The following RNF130 variants were observed in gnomAD, a reference collection of about 807,000 sequenced individuals.
The protein encoded by RNF130 is E3 ubiquitin-protein ligase RNF130.
Under a neutral mutation model 44.6 loss-of-function variants are expected in RNF130, and 21 were observed. That is an observed-to-expected ratio of 0.47 (90% CI 0.33 to 0.68). The LOEUF (loss-of-function observed/expected upper bound fraction) is 0.68, where lower values mean the gene tolerates loss of function less well. Among genes scored for constraint, RNF130 ranks in the 30% least tolerant of loss-of-function variants. The pLI, the probability that RNF130 is intolerant of heterozygous loss-of-function variation, is 0.02. For missense variants in RNF130, 479 were observed against 560.6 expected, an observed-to-expected ratio of 0.85 and a Z score of 1.47; for synonymous variants, 214 against 210.4, an observed-to-expected ratio of 1.02 and a Z score of -0.15.
chr5:180,071,328 A>G (rs1765256768), intron 1 of RNF130, 128 bp downstream of exon 1: 1 of 929,332 alleles, frequency 1.1e-6, no homozygotes, highest in Non-Finnish European at 1.4e-6. Context: ...GGAAGCCTCG[A>G]CCCTGGCTGG....
intron 1 of RNF130, among the ~76,000 whole-genome samples, chr5:180,046,320 C>T (rs981451634): frequency 2.0e-5 from 3 of 152,272 alleles, no homozygotes; most frequent in Admixed American, 6.5e-5. Flanking sequence ...GCTCCTCAAG[C>T]GTGGCCAGAG....
chr5:180,067,310 C>T (rs564655162), intron 1 of RNF130, among the ~76,000 whole-genome samples: 3 of 152,228 alleles, frequency 2.0e-5, no homozygotes, highest in African/African-American at 4.8e-5. Flanking sequence ...TCATTGTACA[C>T]ATTAAGATCT....
chr5:179,959,174 AGTTATTCTCATCTTT>A (rs1366701224), intron 8 of RNF130, among the ~76,000 whole-genome samples: 1 of 152,158 alleles, frequency 6.6e-6, no homozygotes, highest in Admixed American at 6.5e-5. Context: ...AATAAACAGT[AGTTATTCTCATCTTT>A]GTTATTCTCA....
intron 7 of RNF130, among the ~76,000 whole-genome samples, chr5:179,941,244 C>G (rs1761966099): frequency 6.6e-6 from 1 of 152,164 alleles, no homozygotes; most frequent in East Asian, 1.9e-4. Context: ...GACATGTATA[C>G]AAGAAACAGA....
At chr5:180,034,542 C>T (rs528640141) in intron 2 of RNF130, among the ~76,000 whole-genome samples, 1 of 152,152 alleles carries the variant, frequency 6.6e-6, no homozygotes, top group Non-Finnish European at 1.5e-5. Context: ...CTCAGATATG[C>T]TATTTTTTCT....
intron 7 of RNF130, among the ~76,000 whole-genome samples, chr5:179,947,041 A>G (rs1582134204): frequency 1.3e-5 from 2 of 152,110 alleles, no homozygotes; most frequent in East Asian, 3.9e-4. Flanking sequence ...GAGTGTGCAC[A>G]AGTGCACACT....
At chr5:180,071,353 C>A in intron 1 of RNF130, 103 bp downstream of exon 1, 1 of 1,127,162 alleles carries the variant, frequency 8.9e-7, no homozygotes, top group Non-Finnish European at 1.1e-6. Context: ...GTCGGCCGGG[C>A]AGCGCGGGAG....
intron 2 of RNF130, among the ~76,000 whole-genome samples, chr5:180,019,640 C>G (rs1327566383): frequency 3.3e-5 from 5 of 152,094 alleles, no homozygotes; most frequent in Non-Finnish European, 5.9e-5. Context: ...TTAAAGAACT[C>G]AAGGGGGAAA....
intron 1 of RNF130, among the ~76,000 whole-genome samples, chr5:180,053,340 A>G (rs554057805): frequency 6.6e-6 from 1 of 152,224 alleles, no homozygotes; most frequent in Non-Finnish European, 1.5e-5. Context: ...GACAAGTCAC[A>G]TGGAAGAAAG....
chr5:180,057,296 C>G (rs986216809), intron 1 of RNF130, among the ~76,000 whole-genome samples: 2 of 152,256 alleles, frequency 1.3e-5, no homozygotes, highest in Non-Finnish European at 2.9e-5. Flanking sequence ...CGCCTGTAAT[C>G]CCAGCACTTT....
intron 7 of RNF130, among the ~76,000 whole-genome samples, chr5:179,934,412 TGC>T (rs1338162265): frequency 6.6e-6 from 1 of 152,224 alleles, no homozygotes; most frequent in East Asian, 1.9e-4. Flanking sequence ...CTGTAGGCTT[TGC>T]AGTGATGTCT....
At chr5:179,983,184 T>A (rs1193828377) in intron 3 of RNF130, among the ~76,000 whole-genome samples, 1 of 152,208 alleles carries the variant, frequency 6.6e-6, no homozygotes, top group African/African-American at 2.4e-5. Flanking sequence ...TTTTCATTGG[T>A]AGACTGTGCT....
intron 7 of RNF130, chr5:179,940,082 G>C (rs964994599): frequency 2.9e-5 from 6 of 203,796 alleles, no homozygotes; most frequent in Admixed American, 5.9e-5. Context: ...TCTCCAACAT[G>C]CTGTTTTAAT....
chr5:180,030,852 G>A (rs1241646603), intron 2 of RNF130, among the ~76,000 whole-genome samples: 2 of 152,182 alleles, frequency 1.3e-5, no homozygotes, highest in Admixed American at 1.3e-4. Flanking sequence ...TTATCCATGT[G>A]TCAAGAGTTA....
chr5:180,045,993 G>A (rs560513969), intron 1 of RNF130, among the ~76,000 whole-genome samples: 31 of 152,332 alleles, frequency 2.0e-4, no homozygotes, highest in African/African-American at 6.5e-4. Context: ...ACCGAGCCCC[G>A]TGGAGCAGGG....
At chr5:179,980,493 C>T (rs555321825) in intron 3 of RNF130, 4 of 346,372 alleles carry the variant, frequency 1.2e-5, no homozygotes, top group East Asian at 6.2e-5. Flanking sequence ...CATTTTGTGT[C>T]GAATAAACAT....
At chr5:180,036,872 T>G (rs1561701949) in intron 2 of RNF130, among the ~76,000 whole-genome samples, 1 of 152,244 alleles carries the variant, frequency 6.6e-6, no homozygotes, top group Non-Finnish European at 1.5e-5. Flanking sequence ...TAGATACATT[T>G]ACTTCTCTCT....
At chr5:179,980,468 G>T in intron 3 of RNF130, 1 of 394,260 alleles carries the variant, frequency 2.5e-6, no homozygotes, top group Non-Finnish European at 4.7e-6. Flanking sequence ...AAAAAGTTAG[G>T]TGTCATAATT....
At position 180,020,338 on chromosome 5, in the gene RNF130, C is replaced by T. The variant is rs564792412; in HGVS notation, c.443-7027G>A. Among the ~76,000 whole-genome samples the T allele has an allele frequency of 1.1e-3, 165 of 152,248 alleles. 1 individual carries two copies. Among genetic ancestry groups the T allele is most frequent in the Admixed American group, 3.3e-3 (50 of 15,294 alleles). On this transcript the variant is annotated intron_variant, in intron 2 of 8. Transcript: ENST00000521389. The stretch of plus-strand genomic sequence containing the variant: ...CACGTGACTACGGAGAGGAAGAACG[C>T]GGTCTGCTGCACAAAACTGAAAGTG...
Sources: gnomAD v4.1 joint callset for allele counts (sites outside exome capture counted in the v4.1 genomes callset) on GRCh38, gnomAD v4.1.1 for gene constraint, MANE v1.5 for transcripts, NCBI Gene and HGNC (gene_info 2026-07-23, HGNC 2026-07-21) for gene names.